Variants in MVD observed in about 807,000 individuals in gnomAD.
MVD encodes diphosphomevalonate decarboxylase.
In MVD, 52 loss-of-function variants were observed where a neutral mutation model predicts 42.4. That is an observed-to-expected ratio of 1.23 (90% CI 0.98 to 1.55). The LOEUF is 1.55. MVD is among the 40% of genes most tolerant of loss of function. The probability of loss-of-function intolerance (pLI) is 0.00; values close to 1 mark genes in which losing one functional copy is unlikely to be tolerated. For synonymous variants in MVD, 287 were observed against 243.2 expected, an observed-to-expected ratio of 1.18 and a Z score of -1.68; for missense variants, 663 against 572.1, an observed-to-expected ratio of 1.16 and a Z score of -1.62.
intron 3 of MVD, 72 bp downstream of exon 3, chr16:88,657,830 AGGGGCACAGAGGC>A: frequency 3.6e-6 from 5 of 1,402,610 alleles, no homozygotes; most frequent in Non-Finnish European, 4.0e-6. Flanking sequence ...CTGCCTCAGG[AGGGGCACAGAGGC>A]AGAAGCACTT....
rs1296212917 is a variant in MVD, at chr16:88,656,098, C to T, written c.603+7G>A. ...GGCTGCTGCTCCACCCGCCCCACCC[C>T]ACTCACCACAAGGATGAGCACGCGG... On this transcript the variant is annotated splice_region_variant and intron_variant, in intron 5 of 9. Transcript: ENST00000301012. 1 of 1,584,084 alleles carries T rather than the reference C, an allele frequency of 6.3e-7. No homozygotes were observed. Among genetic ancestry groups the T allele is most frequent in the East Asian group, 2.2e-5 (1 of 44,458 alleles).
intron 1 of MVD, 134 bp from the exon 2 acceptor site, chr16:88,658,854 G>GC: frequency 5.7e-6 from 4 of 704,794 alleles, no homozygotes; most frequent in Admixed American, 2.2e-5. Flanking sequence ...CAACCTGTGT[G>GC]CCCCTCCTCC....
intron 1 of MVD, among the ~76,000 whole-genome samples, chr16:88,660,316 T>C (rs1249809268): frequency 6.6e-6 from 1 of 152,182 alleles, no homozygotes; most frequent in Non-Finnish European, 1.5e-5. Flanking sequence ...GACCAGAGTC[T>C]CTGAACGTTA....
chr16:88,652,593 G>A lies in MVD; in HGVS notation c.1135C>T (p.Pro379Ser), dbSNP rs145267803. 6 of 1,560,842 alleles carry A rather than the reference G, an allele frequency of 3.8e-6. No homozygotes were observed. The highest frequency in any genetic ancestry group is 5.2e-6 in the Non-Finnish European group (6 of 1,152,560). The change falls in exon 10 of 10, where the codon CCT becomes TCT. Residue 379 changes from proline (P) to serine (S), a missense_variant. By Grantham distance (74) the Pro-to-Ser change is moderately conservative. Coordinates refer to ENST00000301012, the MANE Select transcript of MVD (RefSeq NM_002461.3). ...GCGCAGGGGTCATCCAGGATTTGAG[G>A]CCCTGGCCCCACCTGGGGATAGAAA... ...YIIVTQVGPG[P>S]QILDDPCAHL...
At chr16:88,659,732 G>A (rs367987854) in intron 1 of MVD, among the ~76,000 whole-genome samples, 85 of 152,254 alleles carry the variant, frequency 5.6e-4, no homozygotes, top group African/African-American at 2.0e-3. Context: ...TTGGGAGGTC[G>A]AGGTGGGCAG....
At position 88,653,351 on chromosome 16, in the gene MVD, C is replaced by T. The variant is rs769973603; in HGVS notation, c.1071G>A (p.Ala357=). The stretch of plus-strand genomic sequence containing the variant: ...CACCGGGGGTCGGCTCCATGGCCAG[C>T]GCAGCCTGAAGCTCAGCTGAGAGAG... ...PAPLSAELQA[A]LAMEPTPGGV... The change falls in exon 9 of 10, where the codon GCG becomes GCA. Residue 357 remains alanine (A), a synonymous_variant. Transcript: ENST00000301012. The T allele has an allele frequency of 5.6e-6, 9 of 1,599,156 alleles. No homozygotes were observed. Among genetic ancestry groups the T allele is most frequent in the Middle Eastern group, 1.7e-4 (1 of 6,028 alleles).
chr16:88,657,642 T>A, intron 3 of MVD, 60 bp from the exon 4 acceptor site: 1 of 1,583,866 alleles, frequency 6.3e-7, no homozygotes. Flanking sequence ...GCCCTGCTCC[T>A]GCCCACCTGC....
At chr16:88,658,758 C>CT in intron 1 of MVD, 38 bp from the exon 2 acceptor site, 1 of 1,498,966 alleles carries the variant, frequency 6.7e-7, no homozygotes. Flanking sequence ...GTGGGCTTCC[C>CT]GGCCCACCCT....
At chr16:88,655,076 C>T (rs2142895632) in intron 7 of MVD, 123 bp downstream of exon 7, 1 of 1,211,790 alleles carries the variant, frequency 8.3e-7, no homozygotes, top group Non-Finnish European at 1.2e-6. Context: ...TCGCACACAG[C>T]AGGGTGGAGC....
rs914562219 is a variant in MVD at position 88,657,637 on chromosome 16, G to A, written c.257-55C>T. 4 of 1,588,970 alleles carry A rather than the reference G, an allele frequency of 2.5e-6. No individual in the cohort carries two copies. The African/African-American group carries it at 5.4e-5, about 21-fold the overall frequency. ...CAGCCGTCAGCACCCTGCCCGCCCTGCTCCTGCCCACCTGCCCGGGGTCAC... is the reference window on the plus strand; with the variant it reads ...CAGCCGTCAGCACCCTGCCCGCCCTACTCCTGCCCACCTGCCCGGGGTCAC... On this transcript the variant is annotated intron_variant, in intron 3 of 9. Transcript: ENST00000301012.
chr16:88,656,148 G>A lies in MVD; in HGVS notation c.560C>T (p.Ala187Val). ...GAGTTCAGGCCAGTGTGACTCGGGG[G>A]CCACTTGCCGAGCGATGCTGTCCTT... Reference protein sequence around the residue: ...DGKDSIARQVAPESHWPELRV... With the variant: ...DGKDSIARQVVPESHWPELRV... Residue 187 changes from alanine (A) to valine (V), a missense_variant, in exon 5 of 10, where the codon GCC becomes GTC. Transcript: ENST00000301012. 1.2e-6 allele frequency: 2 copies of A among 1,602,032 alleles called. No individual in the cohort carries two copies. The highest frequency in any genetic ancestry group is 1.1e-5 in the South Asian group (1 of 91,080).
chr16:88,652,880 A>G (rs913375615), intron 9 of MVD, among the ~76,000 whole-genome samples: 1 of 152,016 alleles, frequency 6.6e-6, no homozygotes, highest in African/African-American at 2.4e-5. Flanking sequence ...CCTGAGAGGA[A>G]GGTGGCGGCA....
intron 1 of MVD, chr16:88,662,109 T>C (rs1454075913): frequency 6.6e-6 from 1 of 152,156 alleles, no homozygotes; most frequent in Non-Finnish European, 1.5e-5. Flanking sequence ...TACAACATTT[T>C]ATGGCAGCTT....
chr16:88,657,607 T>C (rs1408417411), intron 3 of MVD, 25 bp from the exon 4 acceptor site: 3 of 1,605,846 alleles, frequency 1.9e-6, no homozygotes, highest in Admixed American at 1.7e-5. Context: ...AGACAGCGTG[T>C]GGCCCAGCCG....
rs1908092554 is a variant in MVD, at chr16:88,658,656, C to T, written c.135G>A (p.Gln45=). 6.2e-7 allele frequency: 1 copy of T among 1,613,650 alleles called. No individual in the cohort carries two copies. Among genetic ancestry groups the T allele is most frequent in the Non-Finnish European group, 8.5e-7 (1 of 1,179,824 alleles). Residue 45 remains glutamine, a synonymous_variant, in exon 2 of 10, where the codon CAG becomes CAA. Transcript: ENST00000301012. The stretch of plus-strand genomic sequence containing the variant: ...GTCGTCAGTCCACACATACCTGGTC[C>T]TGGTGCAGAGTGACGCTCAGGGAGG... ...INSSLSVTLH[Q]DQLKTTTTAV...
At chr16:88,660,026 C>G (rs906996665) in intron 1 of MVD, among the ~76,000 whole-genome samples, 3 of 152,022 alleles carry the variant, frequency 2.0e-5, no homozygotes, top group Non-Finnish European at 4.4e-5. Context: ...CTCCCACACT[C>G]CAGGCTGGAA....
In MVD at chr16:88,657,543, C is replaced by T; in HGVS notation, c.296G>A (p.Gly99Glu). The T allele has an allele frequency of 6.2e-7, 1 of 1,612,802 alleles. No homozygotes were observed. The highest frequency in any genetic ancestry group is 1.3e-5 in the African/African-American group (1 of 75,064). Residue 99 changes from glycine to glutamate, a missense_variant, in exon 4 of 10, where the codon GGG becomes GAG. Coordinates refer to ENST00000301012, the MANE Select transcript of MVD (RefSeq NM_002461.3). ...GCTGAGGCTGGAGGGCAGCGGGTCC[C>T]CATCCCGTGAGTTCCTCCGCTTCCG... ...LARKRRNSRD[G>E]DPLPSSLSCK...
At chr16:88,655,177 C>A in intron 7 of MVD, 22 bp downstream of exon 7, 8 of 1,551,034 alleles carry the variant, frequency 5.2e-6, no homozygotes, top group Non-Finnish European at 7.0e-6. Flanking sequence ...AGCGCAGCCT[C>A]TGCCCTCCCG....
chr16:88,652,134 C>T lies in MVD; in HGVS notation c.*391G>A. Reference sequence around the variant, plus strand: ...GGTTTCCTGAGGCCCAAGGAGGCTGCTCCCAGCACGGTGACCCCTTCCCTG... The same window carrying T: ...GGTTTCCTGAGGCCCAAGGAGGCTGTTCCCAGCACGGTGACCCCTTCCCTG... On this transcript the variant is annotated 3_prime_UTR_variant, in exon 10 of 10. Transcript: ENST00000301012. 1 of 298,838 alleles carries T rather than the reference C, an allele frequency of 3.3e-6. No homozygotes were observed. Among genetic ancestry groups the T allele is most frequent in the South Asian group, 3.1e-5 (1 of 32,140 alleles). 18.5% of individuals were successfully genotyped at this position (298,838 alleles called of 1,614,324 possible).
Sources: allele counts gnomAD v4.1 joint callset (sites outside exome capture counted in the v4.1 genomes callset), GRCh38; gene constraint gnomAD v4.1.1; transcripts MANE v1.5; gene names NCBI Gene and HGNC (gene_info 2026-07-23, HGNC 2026-07-21).